FLRT2: variants seen among roughly 807,000 people sequenced by gnomAD.
FLRT2 encodes the protein leucine-rich repeat transmembrane protein FLRT2.
A neutral mutation model predicts 40.0 loss-of-function variants in FLRT2; 15 were observed. The ratio of observed to expected loss-of-function variants is 0.38; its 90% confidence interval spans 0.25 to 0.58. The LOEUF (loss-of-function observed/expected upper bound fraction) is 0.58, where lower values mean the gene tolerates loss of function less well. Among genes scored for constraint, FLRT2 ranks in the 20% least tolerant of loss-of-function variants. The probability of loss-of-function intolerance (pLI) is 0.71; values close to 1 mark genes in which losing one functional copy is unlikely to be tolerated. For missense variants in FLRT2, 726 were observed against 840.0 expected (o/e 0.86, Z 1.68); for synonymous variants, 380 against 336.8 (o/e 1.13, Z -1.41).
At position 85,648,962 on chromosome 14, in the gene FLRT2, A is replaced by G. The variant is rs911022376; in HGVS notation, c.*25465A>G. 1.3e-5 allele frequency: 2 copies of G among 152,156 alleles called. No homozygotes were observed. Among genetic ancestry groups the G allele is most frequent in the African/African-American group, 4.8e-5 (2 of 41,446 alleles). 9.4% of individuals were successfully genotyped at this position (152,156 alleles called of 1,614,324 possible). A position where few individuals can be genotyped will look rare whatever the true frequency, so the allele number is the denominator to read the frequency against. On this transcript the variant is annotated 3_prime_UTR_variant, in exon 2 of 2. Transcript: ENST00000330753. ...GAGCAGTCACAGAATTCACTGATCTATTATAATTTACCAATTCCTTTGCAT... is the reference window on the plus strand; with the variant it reads ...GAGCAGTCACAGAATTCACTGATCTGTTATAATTTACCAATTCCTTTGCAT...
At chr14:85,572,441 A>G (rs1890935575) in intron 1 of FLRT2, among the ~76,000 whole-genome samples, 1 of 152,038 alleles carries the variant, frequency 6.6e-6, no homozygotes, top group African/African-American at 2.4e-5. Context: ...TATCTCCTCA[A>G]CCCAGACATG....
At chr14:85,541,359 G>C (rs975180309) in intron 1 of FLRT2, among the ~76,000 whole-genome samples, 1 of 152,114 alleles carries the variant, frequency 6.6e-6, no homozygotes, top group Non-Finnish European at 1.5e-5. Flanking sequence ...TCCACTTGAG[G>C]CCAGCTAGGC....
intron 1 of FLRT2, among the ~76,000 whole-genome samples, chr14:85,609,715 G>T (rs887468936): frequency 2.0e-5 from 3 of 152,178 alleles, no homozygotes; most frequent in African/African-American, 7.2e-5. Context: ...TCTGCAGTGA[G>T]CCATGAGCTG....
intron 1 of FLRT2, among the ~76,000 whole-genome samples, chr14:85,588,147 C>T (rs1045620797): frequency 2.6e-5 from 4 of 152,004 alleles, no homozygotes; most frequent in East Asian, 1.9e-4. Context: ...ATTTGAGTCC[C>T]GAATCTTATT....
Position 85,621,372 on chromosome 14 carries a change from T to C in FLRT2, c.-143T>C, listed in dbSNP as rs1893370597. 2.8e-6 allele frequency: 2 copies of C among 706,616 alleles called. No individual in the cohort carries two copies. Among genetic ancestry groups the C allele is most frequent in the Non-Finnish European group, 4.6e-6 (2 of 436,898 alleles). 43.8% of individuals were successfully genotyped at this position (706,616 alleles called of 1,614,324 possible). Reference sequence around the variant, plus strand: ...GACCAGAGACAGCAGGGAGATTATTTTACCATACGCCCTCAGGACGTTCCC... The same window carrying C: ...GACCAGAGACAGCAGGGAGATTATTCTACCATACGCCCTCAGGACGTTCCC... On this transcript the variant is annotated 5_prime_UTR_variant, in exon 2 of 2. Coordinates refer to ENST00000330753, the MANE Select transcript of FLRT2 (RefSeq NM_013231.6).
rs1894206535 is a variant in FLRT2, at chr14:85,643,342, T to TCCTTC, written c.*19846_*19847insCTTCC. ...TTCTTTCTTTCTTTCTTTCTTTCTT[T>TCCTTC]CTTTCTTTCTTTCTTCCTTCCTTCC... On this transcript the variant is annotated 3_prime_UTR_variant, in exon 2 of 2. Transcript: ENST00000330753. The TCCTTC allele has an allele frequency of 1.2e-5, 1 of 85,236 alleles. No individual in the cohort carries two copies. Among genetic ancestry groups the TCCTTC allele is most frequent in the South Asian group, 4.3e-4 (1 of 2,322 alleles). The allele number at this position is 85,236 out of a possible 1,614,324, so 5.3% of individuals were successfully genotyped here.
chr14:85,629,191 A>G lies in FLRT2; in HGVS notation c.*5694A>G, dbSNP rs1179697950. 1 of 152,180 alleles carries G rather than the reference A, an allele frequency of 6.6e-6. No individual in the cohort carries two copies. The highest frequency in any genetic ancestry group is 1.5e-5 in the Non-Finnish European group (1 of 68,020). The allele number at this position is 152,180 out of a possible 1,614,324, so 9.4% of individuals were successfully genotyped here. A position where few individuals can be genotyped will look rare whatever the true frequency, so the allele number is the denominator to read the frequency against. On this transcript the variant is annotated 3_prime_UTR_variant, in exon 2 of 2. Coordinates refer to ENST00000330753, the MANE Select transcript of FLRT2 (RefSeq NM_013231.6). ...TAATCACTTTATACTACTTCATTAA[A>G]TTGACAGGACATCTAAGGTGACAAA... is the stretch of plus-strand genomic sequence containing the variant.
At chr14:85,576,155 A>G (rs368537920) in intron 1 of FLRT2, among the ~76,000 whole-genome samples, 14 of 152,324 alleles carry the variant, frequency 9.2e-5, no homozygotes, top group Middle Eastern at 6.8e-3. Flanking sequence ...CCTTTACTCA[A>G]AATGTGTGCT....
intron 1 of FLRT2, among the ~76,000 whole-genome samples, chr14:85,584,084 G>A (rs1388952307): frequency 6.6e-6 from 1 of 152,134 alleles, no homozygotes; most frequent in Admixed American, 6.6e-5. Context: ...GAGAATATGG[G>A]CTGCCTCACT....
In FLRT2 at chr14:85,563,108, C is replaced by T. The variant is rs1220168916; in HGVS notation, c.-377+32574C>T. The T allele has an allele frequency of 9.9e-5, 15 of 151,258 alleles. 1 individual carries two copies. The highest frequency in any genetic ancestry group is 9.9e-4 in the Admixed American group (15 of 15,202). 9.4% of individuals were successfully genotyped at this position (151,258 alleles called of 1,614,324 possible). ...ACATCAAAAAGCATCTGTTGGACCT[C>T]CACTCCTTAAAAGGAACACATACTA... On this transcript the variant is annotated intron_variant, in intron 1 of 1. Transcript: ENST00000330753.
chr14:85,580,875 G>T (rs1412717927), intron 1 of FLRT2, among the ~76,000 whole-genome samples: 1 of 152,120 alleles, frequency 6.6e-6, no homozygotes, highest in African/African-American at 2.4e-5. Context: ...TGCTTTTAAA[G>T]AATAAATGTG....
chr14:85,629,924 G>A lies in FLRT2; in HGVS notation c.*6427G>A, dbSNP rs1893822954. On this transcript the variant is annotated 3_prime_UTR_variant, in exon 2 of 2. Coordinates refer to ENST00000330753, the MANE Select transcript of FLRT2 (RefSeq NM_013231.6). Reference sequence around the variant, plus strand: ...ACATTTATCTGATTTGAAGGTTTCAGATGGAATCAAGATATGTCTGTACCC... The same window carrying A: ...ACATTTATCTGATTTGAAGGTTTCAAATGGAATCAAGATATGTCTGTACCC... 6.6e-6 allele frequency: 1 copy of A among 152,136 alleles called. No individual in the cohort carries two copies. Among genetic ancestry groups the A allele is most frequent in the Non-Finnish European group, 1.5e-5 (1 of 68,038 alleles). 9.4% of individuals were successfully genotyped at this position (152,136 alleles called of 1,614,324 possible). A position where few individuals can be genotyped will look rare whatever the true frequency, so the allele number is the denominator to read the frequency against.
At chr14:85,564,795 T>C (rs376905443) in intron 1 of FLRT2, among the ~76,000 whole-genome samples, 24 of 152,350 alleles carry the variant, frequency 1.6e-4, no homozygotes, top group African/African-American at 5.8e-4. Flanking sequence ...AATCAGCTCC[T>C]ACATCTGGAC....
intron 1 of FLRT2, among the ~76,000 whole-genome samples, chr14:85,533,244 A>C (rs1030876222): frequency 6.9e-6 from 1 of 144,918 alleles, no homozygotes; most frequent in African/African-American, 2.5e-5. Flanking sequence ...GGAGCTGCGG[A>C]GGCGATCCCG....
intron 1 of FLRT2, among the ~76,000 whole-genome samples, chr14:85,536,600 A>G (rs988501782): frequency 1.3e-5 from 2 of 149,876 alleles, no homozygotes; most frequent in African/African-American, 4.9e-5. Flanking sequence ...AATTCAGTCC[A>G]TTAGTGACCT....
At chr14:85,593,817 G>A (rs541281770) in intron 1 of FLRT2, among the ~76,000 whole-genome samples, 9 of 152,164 alleles carry the variant, frequency 5.9e-5, no homozygotes, top group Admixed American at 3.9e-4. Flanking sequence ...CAAGGCAGGC[G>A]GATCACTTGA....
intron 1 of FLRT2, among the ~76,000 whole-genome samples, chr14:85,597,821 A>G (rs1244234376): frequency 6.6e-6 from 1 of 152,216 alleles, no homozygotes; most frequent in Non-Finnish European, 1.5e-5. Context: ...GTGGAAATCT[A>G]AAAACATGAG....
rs1488247325 is a variant in FLRT2, at chr14:85,644,336, AG to A, written c.*20840del. ...TCTTTCTTTTTATCTCAATAGGCAAAGAACACTAAAGTAGTCTGCTTTCACT... is the reference window on the plus strand; with the variant it reads ...TCTTTCTTTTTATCTCAATAGGCAAAAACACTAAAGTAGTCTGCTTTCACT... On this transcript the variant is annotated 3_prime_UTR_variant, in exon 2 of 2. Transcript: ENST00000330753. The A allele has an allele frequency of 6.6e-6, 1 of 152,212 alleles. No homozygotes were observed. Among genetic ancestry groups the A allele is most frequent in the Non-Finnish European group, 1.5e-5 (1 of 68,044 alleles). The allele number at this position is 152,212 out of a possible 1,614,324, so 9.4% of individuals were successfully genotyped here. A position where few individuals can be genotyped will look rare whatever the true frequency, so the allele number is the denominator to read the frequency against.
At position 85,614,323 on chromosome 14, in the gene FLRT2, A is replaced by G. The variant is rs79195561; in HGVS notation, c.-376-6816A>G. ...CTCTTAGTTACTTTATATGATTTAT[A>G]TCTAATCCTCCCAACAATTTCCTAA... On this transcript the variant is annotated intron_variant, in intron 1 of 1. Coordinates refer to ENST00000330753, the MANE Select transcript of FLRT2 (RefSeq NM_013231.6). Among the ~76,000 whole-genome samples the G allele has an allele frequency of 5.2e-3, 791 of 152,098 alleles. 2 individuals carry two copies. Among genetic ancestry groups the G allele is most frequent in the African/African-American group, 0.018 (755 of 41,478 alleles).
Sources: gnomAD v4.1 joint callset for allele counts (sites outside exome capture counted in the v4.1 genomes callset) on GRCh38, gnomAD v4.1.1 for gene constraint, MANE v1.5 for transcripts, NCBI Gene and HGNC (gene_info 2026-07-23, HGNC 2026-07-21) for gene names.